The following FSTL5 variants were observed in gnomAD, a reference collection of about 807,000 sequenced individuals.
FSTL5 encodes follistatin like 5, also known as follistatin-related protein 5.
Under a neutral mutation model 89.1 loss-of-function variants are expected in FSTL5, and 62 were observed. The observed-to-expected ratio is 0.70, with a 90% CI of 0.57 to 0.86. The LOEUF (loss-of-function observed/expected upper bound fraction) is 0.86, where lower values mean the gene tolerates loss of function less well. Ranked by LOEUF, FSTL5 falls within the 40% of genes least tolerant of loss-of-function variation. The probability of loss-of-function intolerance (pLI) is 0.00; values close to 1 mark genes in which losing one functional copy is unlikely to be tolerated. For synonymous variants in FSTL5, 383 were observed against 346.2 expected (o/e 1.11, Z -1.18); for missense variants, 1,057 against 1,001.6 (o/e 1.06, Z -0.75).
At chr4:161,689,939 C>T (rs564551005) in intron 6 of FSTL5, among the ~76,000 whole-genome samples, 101 of 152,230 alleles carry the variant, frequency 6.6e-4, no homozygotes, top group Middle Eastern at 3.4e-3. Flanking sequence ...ACTTATCATA[C>T]TTTCGAGATT....
At chr4:162,038,966 T>C (rs1737845130) in intron 2 of FSTL5, among the ~76,000 whole-genome samples, 1 of 151,760 alleles carries the variant, frequency 6.6e-6, no homozygotes. Context: ...AGCCATAAAG[T>C]CCACACAGAT....
chr4:161,476,198 T>TTTTG (rs1734142238), intron 13 of FSTL5, among the ~76,000 whole-genome samples: 1 of 95,996 alleles, frequency 1.0e-5, no homozygotes, highest in Non-Finnish European at 2.2e-5. Flanking sequence ...TGTTTGTTTG[T>TTTTG]TTTTTTGAGA....
intron 15 of FSTL5, among the ~76,000 whole-genome samples, chr4:161,453,374 T>A (rs1308499452): frequency 2.6e-5 from 4 of 152,142 alleles, no homozygotes. Context: ...AGAATATTTA[T>A]TAGTCATAAC....
At chr4:162,024,013 G>A (rs1737190559) in intron 3 of FSTL5, among the ~76,000 whole-genome samples, 1 of 152,090 alleles carries the variant, frequency 6.6e-6, no homozygotes, top group Non-Finnish European at 1.5e-5. Context: ...AAGGGATCTG[G>A]GAAATGTAGC....
chr4:161,964,708 C>G (rs905235764), intron 3 of FSTL5, among the ~76,000 whole-genome samples: 1 of 151,956 alleles, frequency 6.6e-6, no homozygotes, highest in Non-Finnish European at 1.5e-5. Context: ...CATTCTTAGT[C>G]TATAAATATT....
chr4:161,600,158 A>AACACACACACACACACACACACAC (rs71598717), intron 7 of FSTL5, among the ~76,000 whole-genome samples: 1 of 141,986 alleles, frequency 7.0e-6, no homozygotes, highest in East Asian at 2.2e-4. Context: ...AATGTCAATA[A>AACACACACACACACACACACACAC]ACACACACAC....
At position 161,458,281 on chromosome 4, in the gene FSTL5, C is replaced by G. The variant is rs187943569; in HGVS notation, c.1716+931G>C. Among the ~76,000 whole-genome samples, 258 of 152,202 alleles carry G rather than the reference C, an allele frequency of 1.7e-3. 1 individual carries two copies. Among genetic ancestry groups the G allele is most frequent in the African/African-American group, 6.2e-3 (256 of 41,530 alleles). On this transcript the variant is annotated intron_variant, in intron 14 of 15. Transcript: ENST00000306100. Reference sequence around the variant, plus strand: ...CACATTCTGAGAGTGGATTGATTTGCAAAATAAATAACCAAAATACTATAA... The same window carrying G: ...CACATTCTGAGAGTGGATTGATTTGGAAAATAAATAACCAAAATACTATAA...
chr4:161,913,242 A>G (rs1326368067), intron 4 of FSTL5, among the ~76,000 whole-genome samples: 1 of 152,094 alleles, frequency 6.6e-6, no homozygotes, highest in Admixed American at 6.5e-5. Context: ...CCATGGGGAA[A>G]ATGTCTCCAG....
intron 5 of FSTL5, among the ~76,000 whole-genome samples, chr4:161,764,206 A>T (rs1013907695): frequency 6.6e-6 from 1 of 152,214 alleles, no homozygotes; most frequent in African/African-American, 2.4e-5. Flanking sequence ...AATATTACAC[A>T]TTTTATGTGT....
intron 3 of FSTL5, among the ~76,000 whole-genome samples, chr4:161,923,926 T>C (rs921132740): frequency 6.6e-6 from 1 of 151,788 alleles, no homozygotes; most frequent in Non-Finnish European, 1.5e-5. Flanking sequence ...AATTAATTCA[T>C]ATGCAATCCA....
rs561200630 is a variant in FSTL5, at chr4:162,110,982, G to A, written c.126+289C>T. 4.0e-5 allele frequency among the ~76,000 whole-genome samples: 6 copies of A among 151,878 alleles called. No homozygotes were observed. In the East Asian group the frequency reaches 1.2e-3, roughly 29 times the overall value. On this transcript the variant is annotated intron_variant, in intron 2 of 15. Transcript: ENST00000306100. ...TAATATAAATTATCTGGTAGATTGG[G>A]TTTCATATTTACTTCTTTATAAATT...
intron 4 of FSTL5, among the ~76,000 whole-genome samples, chr4:161,800,328 A>G (rs1729754258): frequency 2.0e-5 from 3 of 151,734 alleles, no homozygotes; most frequent in African/African-American, 4.8e-5. Flanking sequence ...AAAAATTTTG[A>G]TATGACAAGT....
At chr4:161,879,343 C>A (rs1431613269) in intron 4 of FSTL5, among the ~76,000 whole-genome samples, 2 of 152,200 alleles carry the variant, frequency 1.3e-5, no homozygotes, top group Non-Finnish European at 2.9e-5. Context: ...CCATTTCACT[C>A]ATTTTCCTCA....
At chr4:162,159,560 A>G (rs1733613432) in intron 1 of FSTL5, among the ~76,000 whole-genome samples, 1 of 152,036 alleles carries the variant, frequency 6.6e-6, no homozygotes, top group African/African-American at 2.4e-5. Context: ...GTTCAGAGTG[A>G]AGCTGTTCTC....
chr4:162,119,267 A>T (rs921318877), intron 1 of FSTL5, among the ~76,000 whole-genome samples: 1 of 152,144 alleles, frequency 6.6e-6, no homozygotes, highest in African/African-American at 2.4e-5. Context: ...AATCAGATAA[A>T]AGATACTTCC....
At chr4:162,093,363 G>T (rs1730624942) in intron 2 of FSTL5, among the ~76,000 whole-genome samples, 1 of 152,084 alleles carries the variant, frequency 6.6e-6, no homozygotes, top group Non-Finnish European at 1.5e-5. Context: ...AATGTTTGTT[G>T]GGAAATCCCA....
chr4:162,057,171 CT>C (rs768483816), intron 2 of FSTL5, among the ~76,000 whole-genome samples: 15 of 152,164 alleles, frequency 9.9e-5, no homozygotes, highest in Non-Finnish European at 1.8e-4. Flanking sequence ...CAAGCAGCTT[CT>C]ATTTTTATCT....
intron 10 of FSTL5, among the ~76,000 whole-genome samples, chr4:161,516,926 C>T (rs1038203897): frequency 6.6e-6 from 1 of 152,042 alleles, no homozygotes; most frequent in African/African-American, 2.4e-5. Flanking sequence ...AAGACCCATG[C>T]TCTGTTGCCC....
At chr4:162,098,860 G>C (rs912897711) in intron 2 of FSTL5, among the ~76,000 whole-genome samples, 1 of 151,994 alleles carries the variant, frequency 6.6e-6, no homozygotes, top group Non-Finnish European at 1.5e-5. Flanking sequence ...TGGAACAACT[G>C]CACATCTACA....
Sources: gnomAD v4.1 joint callset for allele counts (sites outside exome capture counted in the v4.1 genomes callset) on GRCh38, gnomAD v4.1.1 for gene constraint, MANE v1.5 for transcripts, NCBI Gene and HGNC (gene_info 2026-07-23, HGNC 2026-07-21) for gene names.